ASXL3: variants seen among roughly 807,000 people sequenced by gnomAD.
ASXL3 encodes the protein putative Polycomb group protein ASXL3.
ASXL3 carries 34 observed loss-of-function variants against 170.6 expected under a neutral mutation model. The ratio of observed to expected loss-of-function variants is 0.20; its 90% confidence interval spans 0.15 to 0.27. ASXL3 has a LOEUF of 0.27. Among genes scored for constraint, ASXL3 ranks in the 10% least tolerant of loss-of-function variants. The pLI, the probability that ASXL3 is intolerant of heterozygous loss-of-function variation, is 1.00. For synonymous variants in ASXL3, 1,002 were observed against 989.1 expected (o/e 1.01, Z -0.24); for missense variants, 2,592 against 2,695.3 (o/e 0.96, Z 0.85).
chr18:33,663,361 T>C (rs1180419618), intron 5 of ASXL3, among the ~76,000 whole-genome samples: 1 of 152,180 alleles, frequency 6.6e-6, no homozygotes, highest in African/African-American at 2.4e-5. Context: ...AATCTTCCTG[T>C]ATATGAATGG....
intron 2 of ASXL3, chr18:33,614,706 C>A (rs1250076673): frequency 6.6e-6 from 1 of 152,122 alleles, no homozygotes; most frequent in Non-Finnish European, 1.5e-5. Flanking sequence ...TTATGGACTG[C>A]AGAATAGATG....
intron 11 of ASXL3, among the ~76,000 whole-genome samples, chr18:33,741,280 A>C (rs2067657634): frequency 6.6e-6 from 1 of 152,210 alleles, no homozygotes; most frequent in Middle Eastern, 3.2e-3. Flanking sequence ...GTAAAGATAG[A>C]TAGATAACAA....
rs565973521 is a variant in ASXL3 at position 33,621,863 on chromosome 18, T to C, written c.137+14187T>C. 1.4e-4 allele frequency among the ~76,000 whole-genome samples: 22 copies of C among 152,328 alleles called. No homozygotes were observed. In the South Asian group the frequency reaches 4.3e-3, roughly 30 times the overall value. On this transcript the variant is annotated intron_variant, in intron 2 of 11. Transcript: ENST00000269197. Reference sequence around the variant, plus strand: ...GTCCAACAGCTATTCTCTTTTCAGATTTTCCCCATGGACTTAACAACCCAC... The same window carrying C: ...GTCCAACAGCTATTCTCTTTTCAGACTTTCCCCATGGACTTAACAACCCAC...
At chr18:33,615,662 G>C (rs774842717) in intron 2 of ASXL3, among the ~76,000 whole-genome samples, 1 of 152,096 alleles carries the variant, frequency 6.6e-6, no homozygotes, top group Non-Finnish European at 1.5e-5. Context: ...AAATTCCAGA[G>C]ACTGTATCAC....
At chr18:33,599,088 C>T (rs2065157730) in intron 1 of ASXL3, among the ~76,000 whole-genome samples, 1 of 152,088 alleles carries the variant, frequency 6.6e-6, no homozygotes, top group Non-Finnish European at 1.5e-5. Flanking sequence ...TGTTGAGCTT[C>T]ATCTCAACCT....
Position 33,743,183 on chromosome 18 carries a change from C to G in ASXL3, c.3335C>G (p.Ala1112Gly). ...GAGCAGACAAAGGCTAAGCTCTTTG[C>G]AAAGCATCAAGCTCGAGCCCATCTC... ...IKEQTKAKLF[A>G]KHQARAHLFQ... Residue 1112 changes from alanine to glycine, a missense_variant, in exon 12 of 12, where the codon GCA becomes GGA. By Grantham distance (60) the Ala-to-Gly change is moderately conservative. This residue lies in a region of ASXL3 where 2,246 missense variants were observed against 2,219.6 expected (regional missense o/e 1.01). Transcript: ENST00000269197. 1 of 1,613,982 alleles carries G rather than the reference C, an allele frequency of 6.2e-7. No individual in the cohort carries two copies. Among genetic ancestry groups the G allele is most frequent in the Non-Finnish European group, 8.5e-7 (1 of 1,179,884 alleles).
chr18:33,727,041 C>A (rs1431579951), intron 8 of ASXL3, among the ~76,000 whole-genome samples: 2 of 152,166 alleles, frequency 1.3e-5, no homozygotes, highest in Admixed American at 1.3e-4. Context: ...ATTAGAGAGG[C>A]TCATCCTGAT....
At chr18:33,659,875 C>T (rs1297513493) in intron 4 of ASXL3, among the ~76,000 whole-genome samples, 2 of 152,084 alleles carry the variant, frequency 1.3e-5, no homozygotes, top group Non-Finnish European at 2.9e-5. Context: ...AATCTTTTTG[C>T]TACTTCAACC....
chr18:33,609,526 G>A (rs1028460232), intron 2 of ASXL3, among the ~76,000 whole-genome samples: 1 of 151,840 alleles, frequency 6.6e-6, no homozygotes, highest in Non-Finnish European at 1.5e-5. Flanking sequence ...TCAAAATGCT[G>A]GTCCTCCCAG....
chr18:33,642,224 T>C (rs892838723), intron 2 of ASXL3, among the ~76,000 whole-genome samples: 1 of 151,962 alleles, frequency 6.6e-6, no homozygotes, highest in African/African-American at 2.4e-5. Context: ...CTGCAGAAAA[T>C]GTTGTCTAAG....
At chr18:33,581,418 A>T (rs1057052724) in intron 1 of ASXL3, among the ~76,000 whole-genome samples, 2 of 151,988 alleles carry the variant, frequency 1.3e-5, no homozygotes, top group Non-Finnish European at 2.9e-5. Flanking sequence ...TAACGTTAAG[A>T]ATGATCTTCC....
chr18:33,641,652 A>G (rs1316316528), intron 2 of ASXL3, among the ~76,000 whole-genome samples: 1 of 152,072 alleles, frequency 6.6e-6, no homozygotes, highest in African/African-American at 2.4e-5. Context: ...GCCTCCCCAT[A>G]GGCAGCCAAA....
In ASXL3 at chr18:33,743,118, A is replaced by G. The variant is rs573713653; in HGVS notation, c.3270A>G (p.Pro1090=). The change falls in exon 12 of 12, where the codon CCA becomes CCG. Residue 1090 remains proline, a synonymous_variant. Transcript: ENST00000269197. The part of the protein sequence containing the change: ...ASIVSGAMGS[P]GEGGKTRTLA... ...TTGTCTCTGGAGCCATGGGAAGTCC[A>G]GGAGAGGGTGGAAAGACGAGAACTC... 4.0e-5 allele frequency: 65 copies of G among 1,613,796 alleles called. No individual in the cohort carries two copies. In the South Asian group the frequency reaches 6.7e-4, roughly 17 times the overall value.
At chr18:33,681,702 A>T (rs1033080812) in intron 7 of ASXL3, among the ~76,000 whole-genome samples, 4 of 151,856 alleles carry the variant, frequency 2.6e-5, no homozygotes, top group African/African-American at 9.7e-5. Context: ...AACTTTAATC[A>T]TTATTTCAGT....
At chr18:33,593,900 C>T (rs186463712) in intron 1 of ASXL3, among the ~76,000 whole-genome samples, 11 of 152,156 alleles carry the variant, frequency 7.2e-5, no homozygotes, top group African/African-American at 2.7e-4. Flanking sequence ...CAAAATCTCC[C>T]ATCTTTTTGT....
chr18:33,663,849 C>A (rs1468407432), intron 5 of ASXL3, among the ~76,000 whole-genome samples: 1 of 152,078 alleles, frequency 6.6e-6, no homozygotes, highest in Non-Finnish European at 1.5e-5. Flanking sequence ...TAAACTGTAG[C>A]AACCTCAGCA....
At chr18:33,607,338 G>A (rs2065265298) in intron 1 of ASXL3, among the ~76,000 whole-genome samples, 1 of 151,866 alleles carries the variant, frequency 6.6e-6, no homozygotes, top group South Asian at 2.1e-4. Flanking sequence ...TTTCTTTAGG[G>A]TTCACATTCC....
At chr18:33,588,483 C>T (rs2065052379) in intron 1 of ASXL3, among the ~76,000 whole-genome samples, 1 of 151,694 alleles carries the variant, frequency 6.6e-6, no homozygotes, top group Non-Finnish European at 1.5e-5. Context: ...GGTCATGCTT[C>T]AAGAATAGCC....
rs1195626858 is a variant in ASXL3, at chr18:33,662,775, T to G, written c.477+1038T>G. Among the ~76,000 whole-genome samples the G allele has an allele frequency of 4.6e-5, 7 of 152,298 alleles. No individual in the cohort carries two copies. In the East Asian group the frequency reaches 1.4e-3, roughly 29 times the overall value. ...ACCAGATCCAGGATTAGAGGTATCA[T>G]TCTAGCGATATATTTATCACAAGGA... On this transcript the variant is annotated intron_variant, in intron 5 of 11. Coordinates refer to ENST00000269197, the MANE Select transcript of ASXL3 (RefSeq NM_030632.3).
Sources: allele counts gnomAD v4.1 joint callset (sites outside exome capture counted in the v4.1 genomes callset), GRCh38; gene constraint gnomAD v4.1.1; regional missense constraint gnomAD v4.1.1; transcripts MANE v1.5; gene names NCBI Gene and HGNC (gene_info 2026-07-23, HGNC 2026-07-21).